Variants in CAPRIN2 observed in about 807,000 individuals in gnomAD.
CAPRIN2 encodes the protein caprin family member 2.
CAPRIN2 carries 66 observed loss-of-function variants against 130.4 expected under a neutral mutation model. The observed-to-expected ratio is 0.51, with a 90% CI of 0.42 to 0.62. The LOEUF is 0.62. Ranked by LOEUF, CAPRIN2 falls within the 20% of genes least tolerant of loss-of-function variation. CAPRIN2 has a pLI of 0.00. For missense variants in CAPRIN2, 1,185 were observed against 1,246.6 expected (o/e 0.95, Z 0.74); for synonymous variants, 471 against 444.1 (o/e 1.06, Z -0.76).
intron 8 of CAPRIN2, among the ~76,000 whole-genome samples, chr12:30,727,239 T>C (rs2061215750): frequency 6.6e-6 from 1 of 152,166 alleles, no homozygotes; most frequent in African/African-American, 2.4e-5. Context: ...GTGTGATATT[T>C]GGTTAATAAA....
chr12:30,736,005 G>A (rs996856471), intron 3 of CAPRIN2, among the ~76,000 whole-genome samples: 3 of 152,006 alleles, frequency 2.0e-5, no homozygotes, highest in East Asian at 1.9e-4. Flanking sequence ...GCTGGGCATG[G>A]TGGTGTGTGT....
rs1483803959 is a variant in CAPRIN2 at position 30,711,559 on chromosome 12, C to G, written c.2665+7G>C. The G allele has an allele frequency of 1.2e-6, 2 of 1,608,500 alleles. No homozygotes were observed. Among genetic ancestry groups the G allele is most frequent in the Admixed American group, 3.3e-5 (2 of 60,004 alleles). Reference sequence around the variant, plus strand: ...GGTAAGAAAACTATTCAGCTAATTACCCTTACCTCTCGAATTTGCTCGTGG... The same window carrying G: ...GGTAAGAAAACTATTCAGCTAATTAGCCTTACCTCTCGAATTTGCTCGTGG... On this transcript the variant is annotated splice_region_variant and intron_variant, in intron 16 of 16. Coordinates refer to ENST00000298892, the Ensembl canonical transcript of CAPRIN2.
intron 2 of CAPRIN2, among the ~76,000 whole-genome samples, chr12:30,743,227 G>C (rs529757221): frequency 6.1e-5 from 9 of 148,050 alleles, no homozygotes; most frequent in Admixed American, 5.6e-4. Context: ...ACAAAGAGCT[G>C]CTCCCTCTCT....
At chr12:30,729,056 C>T (rs1565616854) in exon 8 of CAPRIN2, 2 of 1,614,126 alleles carry the variant, frequency 1.2e-6, no homozygotes, top group East Asian at 4.5e-5. Context: ...TCTCCTGCTT[C>T]TTCTGCTCTT....
intron 3 of CAPRIN2, among the ~76,000 whole-genome samples, chr12:30,735,564 A>AT (rs1249677043): frequency 2.0e-5 from 3 of 151,896 alleles, no homozygotes; most frequent in Non-Finnish European, 2.9e-5. Flanking sequence ...ACCTTTTAGG[A>AT]TTTTTTTTAA....
At chr12:30,746,452 T>A (rs1182962470) in intron 2 of CAPRIN2, among the ~76,000 whole-genome samples, 1 of 152,136 alleles carries the variant, frequency 6.6e-6, no homozygotes, top group Non-Finnish European at 1.5e-5. Flanking sequence ...CGAACCCTAA[T>A]GCAAACTCTA....
intron 10 of CAPRIN2, among the ~76,000 whole-genome samples, chr12:30,723,834 C>T (rs546267639): frequency 6.6e-6 from 1 of 152,316 alleles, no homozygotes; most frequent in South Asian, 2.1e-4. Context: ...GGAATTGCTA[C>T]ACCAATCTTC....
chr12:30,747,023 T>C (rs1258499512), intron 2 of CAPRIN2, among the ~76,000 whole-genome samples: 2 of 152,196 alleles, frequency 1.3e-5, no homozygotes, highest in Non-Finnish European at 2.9e-5. Flanking sequence ...CTGACTCTCT[T>C]GTTAGGGTCT....
At chr12:30,750,628 T>A (rs1423224502) in intron 2 of CAPRIN2, among the ~76,000 whole-genome samples, 1 of 151,984 alleles carries the variant, frequency 6.6e-6, no homozygotes, top group African/African-American at 2.4e-5. Context: ...GAAGAGACCA[T>A]GAAAGGAATT....
intron 3 of CAPRIN2, among the ~76,000 whole-genome samples, chr12:30,736,483 G>T (rs1565654551): frequency 6.6e-6 from 1 of 151,668 alleles, no homozygotes; most frequent in Admixed American, 6.6e-5. Context: ...ATATAAAAGA[G>T]ATGTTCGTAA....
intron 13 of CAPRIN2, chr12:30,715,479 A>G: frequency 2.2e-6 from 1 of 461,748 alleles, no homozygotes; most frequent in South Asian, 1.6e-5. Flanking sequence ...TCAGAATCAG[A>G]AAGTAGAATG....
chr12:30,744,799 C>T (rs1041586394), intron 2 of CAPRIN2, among the ~76,000 whole-genome samples: 7 of 152,132 alleles, frequency 4.6e-5, no homozygotes, highest in Non-Finnish European at 1.0e-4. Flanking sequence ...TATTATAACC[C>T]TAATATTAAG....
At chr12:30,713,554 A>C (rs183637167) in intron 15 of CAPRIN2, among the ~76,000 whole-genome samples, 24 of 152,360 alleles carry the variant, frequency 1.6e-4, no homozygotes, top group African/African-American at 5.8e-4. Context: ...CAACATGATT[A>C]ATAATGTCCT....
intron 3 of CAPRIN2, among the ~76,000 whole-genome samples, chr12:30,736,942 G>A (rs1324172533): frequency 6.6e-6 from 1 of 152,166 alleles, no homozygotes; most frequent in Non-Finnish European, 1.5e-5. Flanking sequence ...AGTCTCCCAA[G>A]GTAGGACTGG....
intron 3 of CAPRIN2, among the ~76,000 whole-genome samples, chr12:30,739,934 T>C (rs2066642815): frequency 6.6e-6 from 1 of 152,182 alleles, no homozygotes; most frequent in Non-Finnish European, 1.5e-5. Context: ...AAAAACTAAA[T>C]TGTTACTGGG....
Position 30,731,378 on chromosome 12 carries a change from G to T in CAPRIN2, c.1025C>A (p.Thr342Lys), listed in dbSNP as rs1565629675. 6 of 1,612,718 alleles carry T rather than the reference G, an allele frequency of 3.7e-6. 1 individual carries two copies. The South Asian group carries it at 6.6e-5, about 18-fold the overall frequency. ...GACAGATTCAGTCTTCGATAATTGT[G>T]TTTTTTTCTCTGATTGTATTAGCAT... Residue 342 changes from threonine (T) to lysine (K), a missense_variant, in exon 6 of 17, where the codon ACA becomes AAA. Thr to Lys is a moderately conservative substitution (Grantham distance 78). Coordinates refer to ENST00000298892, the Ensembl canonical transcript of CAPRIN2.
In CAPRIN2 at chr12:30,713,774, T is replaced by C. The variant is rs767506345; in HGVS notation, c.2601+11A>G. On this transcript the variant is annotated intron_variant, in intron 15 of 16. Transcript: ENST00000298892. ...TACCACTATTCAACTATGACAACTA[T>C]TCTTACTTACCCTTTGGGAATAAGG... 6.8e-7 allele frequency: 1 copy of C among 1,475,718 alleles called. No homozygotes were observed. Among genetic ancestry groups the C allele is most frequent in the Non-Finnish European group, 9.5e-7 (1 of 1,055,690 alleles). The allele number at this position is 1,475,718 out of a possible 1,614,324, so 91.4% of individuals were successfully genotyped here.
intron 1 of CAPRIN2, among the ~76,000 whole-genome samples, chr12:30,752,986 T>C (rs992360712): frequency 6.6e-6 from 1 of 152,222 alleles, no homozygotes; most frequent in Non-Finnish European, 1.5e-5. Flanking sequence ...TATACTGCAA[T>C]ATCAACTGCT....
At chr12:30,716,540 T>A in exon 13 of CAPRIN2, 1 of 1,613,992 alleles carries the variant, frequency 6.2e-7, no homozygotes, top group South Asian at 1.1e-5. Flanking sequence ...TTGTTCTACA[T>A]GTATAGATGG....
Sources: gnomAD v4.1 joint callset for allele counts (sites outside exome capture counted in the v4.1 genomes callset) on GRCh38, gnomAD v4.1.1 for gene constraint, MANE v1.5 for transcripts, NCBI Gene and HGNC (gene_info 2026-07-23, HGNC 2026-07-21) for gene names.